SCAMP1: variants seen among roughly 807,000 people sequenced by gnomAD.
The protein encoded by SCAMP1 is secretory carrier membrane protein 1, also known as secretory carrier-associated membrane protein 1.
Under a neutral mutation model 41.8 loss-of-function variants are expected in SCAMP1, and 15 were observed. That is an observed-to-expected ratio of 0.36 (90% CI 0.24 to 0.55). SCAMP1 has a LOEUF of 0.55. SCAMP1 is among the 20% of genes least tolerant of loss of function. SCAMP1 has a pLI of 0.86. For synonymous variants in SCAMP1, 135 were observed against 136.8 expected (o/e 0.99, Z 0.09); for missense variants, 341 against 412.6 (o/e 0.83, Z 1.50).
intron 7 of SCAMP1, among the ~76,000 whole-genome samples, chr5:78,456,627 T>A (rs1044737764): frequency 1.3e-5 from 2 of 150,634 alleles, no homozygotes; most frequent in African/African-American, 4.9e-5. Context: ...ATTTTTTCCT[T>A]CATTTCAACT....
intron 6 of SCAMP1, among the ~76,000 whole-genome samples, chr5:78,439,168 A>G (rs111930825): frequency 6.6e-6 from 1 of 152,134 alleles, no homozygotes; most frequent in Non-Finnish European, 1.5e-5. Flanking sequence ...ATCTTTATCC[A>G]ATTTGCCAGT....
chr5:78,442,901 A>C (rs915689905), intron 6 of SCAMP1, among the ~76,000 whole-genome samples: 2 of 152,140 alleles, frequency 1.3e-5, no homozygotes, highest in Non-Finnish European at 2.9e-5. Context: ...TAGTTTTATC[A>C]CTTGGTTAAG....
At chr5:78,442,138 A>C (rs1580698789) in intron 6 of SCAMP1, among the ~76,000 whole-genome samples, 1 of 152,214 alleles carries the variant, frequency 6.6e-6, no homozygotes, top group South Asian at 2.1e-4. Context: ...CAAAAAAAGA[A>C]GGAAAAAAGC....
chr5:78,381,588 ATCT>A (rs1474810863), intron 1 of SCAMP1, among the ~76,000 whole-genome samples: 1 of 152,228 alleles, frequency 6.6e-6, no homozygotes, highest in African/African-American at 2.4e-5. Flanking sequence ...TCTCTTGATA[ATCT>A]TCTTGCTGCT....
intron 6 of SCAMP1, among the ~76,000 whole-genome samples, chr5:78,424,322 T>C (rs1752413981): frequency 6.6e-6 from 1 of 152,254 alleles, no homozygotes; most frequent in South Asian, 2.1e-4. Context: ...TGTAAAAATC[T>C]CAAGGAAAAT....
At chr5:78,380,308 C>T (rs1272684710) in intron 1 of SCAMP1, among the ~76,000 whole-genome samples, 1 of 152,140 alleles carries the variant, frequency 6.6e-6, no homozygotes, top group Non-Finnish European at 1.5e-5. Flanking sequence ...GGAGTAGGTT[C>T]CTAGAAGTGA....
rs551603423 is a variant in SCAMP1 at position 78,478,716 on chromosome 5, C to T, written c.*3048C>T. 3 of 152,000 alleles carry T rather than the reference C, an allele frequency of 2.0e-5. No individual in the cohort carries two copies. The highest frequency in any genetic ancestry group is 4.4e-5 in the Non-Finnish European group (3 of 67,912). 9.4% of individuals were successfully genotyped at this position (152,000 alleles called of 1,614,324 possible). The stretch of plus-strand genomic sequence containing the variant: ...CTGTTTTATGTACTGATGAAAGTAC[C>T]TATTTGTGTATATTGGATTTTTCAC... On this transcript the variant is annotated 3_prime_UTR_variant, in exon 9 of 9. Coordinates refer to ENST00000621999, the MANE Select transcript of SCAMP1 (RefSeq NM_004866.6).
intron 7 of SCAMP1, among the ~76,000 whole-genome samples, chr5:78,457,572 C>G (rs1253601590): frequency 6.6e-6 from 1 of 152,198 alleles, no homozygotes; most frequent in Non-Finnish European, 1.5e-5. Context: ...GCTGGGAGAA[C>G]CACTGCTCTC....
Position 78,430,552 on chromosome 5 carries a change from A to G in SCAMP1, c.632+8592A>G, listed in dbSNP as rs182978591. Among the ~76,000 whole-genome samples, 56 of 151,984 alleles carry G rather than the reference A, an allele frequency of 3.7e-4. No individual in the cohort carries two copies. In the East Asian group the frequency reaches 0.01, roughly 28 times the overall value. On this transcript the variant is annotated intron_variant, in intron 6 of 8. Transcript: ENST00000621999. ...CTCAAACTCTTCATGAGGAAAGGTA[A>G]TATTCTTTATATAACTACAAGAAGA...
intron 1 of SCAMP1, among the ~76,000 whole-genome samples, chr5:78,371,725 C>T (rs1376473464): frequency 6.6e-6 from 1 of 152,102 alleles, no homozygotes; most frequent in African/African-American, 2.4e-5. Flanking sequence ...TCAGTATTAC[C>T]AACTTGATAT....
intron 6 of SCAMP1, among the ~76,000 whole-genome samples, chr5:78,422,867 A>G (rs368416092): frequency 2.0e-5 from 3 of 152,218 alleles, no homozygotes; most frequent in African/African-American, 4.8e-5. Flanking sequence ...ACTCTCGTGA[A>G]TAAGGGGTAA....
At chr5:78,461,440 C>T (rs1166871751) in intron 8 of SCAMP1, among the ~76,000 whole-genome samples, 1 of 152,120 alleles carries the variant, frequency 6.6e-6, no homozygotes, top group Non-Finnish European at 1.5e-5. Flanking sequence ...GTGTCCTTTC[C>T]CCATTGTTCA....
intron 6 of SCAMP1, among the ~76,000 whole-genome samples, chr5:78,438,182 T>G (rs1232955055): frequency 2.6e-5 from 4 of 152,178 alleles, no homozygotes; most frequent in Non-Finnish European, 5.9e-5. Flanking sequence ...ATTCATTGAT[T>G]TTTTGAAGGG....
At chr5:78,458,624 G>T (rs1257258832) in intron 7 of SCAMP1, among the ~76,000 whole-genome samples, 2 of 152,138 alleles carry the variant, frequency 1.3e-5, no homozygotes, top group Non-Finnish European at 1.5e-5. Flanking sequence ...AGTGGCTCAC[G>T]CTATAATCCC....
Position 78,479,486 on chromosome 5 carries a change from G to T in SCAMP1, c.*3818G>T, listed in dbSNP as rs892590908. ...GAAGTATTTTGGCTAGAATTTTAGG[G>T]CATATTTTATAAAGCAGCATGCCTG... On this transcript the variant is annotated 3_prime_UTR_variant, in exon 9 of 9. Transcript: ENST00000621999. Among the ~76,000 whole-genome samples the T allele has an allele frequency of 1.3e-5, 2 of 152,032 alleles. No individual in the cohort carries two copies. Among genetic ancestry groups the T allele is most frequent in the African/African-American group, 4.8e-5 (2 of 41,372 alleles).
chr5:78,387,192 G>A (rs772605586), intron 1 of SCAMP1, among the ~76,000 whole-genome samples: 6 of 151,912 alleles, frequency 3.9e-5, no homozygotes, highest in East Asian at 1.9e-4. Flanking sequence ...GGGTTAATTC[G>A]AAAGCCTTGT....
Position 78,382,461 on chromosome 5 carries a change from T to G in SCAMP1, c.58-6376T>G, listed in dbSNP as rs549112784. On this transcript the variant is annotated intron_variant, in intron 1 of 8. Transcript: ENST00000621999. ...GTAGGTTTTTGGGGAACAGGTGGTG[T>G]TTGGTTACATGAATAAGTTTCTCAC... 5.9e-5 allele frequency among the ~76,000 whole-genome samples: 9 copies of G among 152,246 alleles called. No homozygotes were observed. The East Asian group carries it at 1.5e-3, about 26-fold the overall frequency.
At chr5:78,366,452 CT>C (rs1750798348) in intron 1 of SCAMP1, among the ~76,000 whole-genome samples, 1 of 151,932 alleles carries the variant, frequency 6.6e-6, no homozygotes, top group Admixed American at 6.6e-5. Context: ...CCTCTGGGTC[CT>C]TTTTTTAATA....
chr5:78,362,025 G>A (rs771256405), intron 1 of SCAMP1, among the ~76,000 whole-genome samples: 4 of 151,896 alleles, frequency 2.6e-5, no homozygotes, highest in South Asian at 2.1e-4. Flanking sequence ...TGTCCCTAAT[G>A]TCACTTAAAA....
Sources: gnomAD v4.1 joint callset for allele counts (sites outside exome capture counted in the v4.1 genomes callset) on GRCh38, gnomAD v4.1.1 for gene constraint, MANE v1.5 for transcripts, NCBI Gene and HGNC (gene_info 2026-07-23, HGNC 2026-07-21) for gene names.